The following RAB11FIP2 variants were observed in gnomAD, a reference collection of about 807,000 sequenced individuals.
RAB11FIP2 encodes the protein rab11 family-interacting protein 2.
A neutral mutation model predicts 40.9 loss-of-function variants in RAB11FIP2; 16 were observed. The ratio of observed to expected loss-of-function variants is 0.39; its 90% confidence interval spans 0.26 to 0.59. The LOEUF is 0.59. Ranked by LOEUF, RAB11FIP2 falls within the 20% of genes least tolerant of loss-of-function variation. The probability of loss-of-function intolerance (pLI) is 0.53; values close to 1 mark genes in which losing one functional copy is unlikely to be tolerated. For synonymous variants in RAB11FIP2, 228 were observed against 213.7 expected (o/e 1.07, Z -0.58); for missense variants, 532 against 606.2 (o/e 0.88, Z 1.28).
intron 3 of RAB11FIP2, among the ~76,000 whole-genome samples, chr10:118,026,248 C>T (rs959570836): frequency 6.6e-6 from 1 of 152,118 alleles, no homozygotes; most frequent in Non-Finnish European, 1.5e-5. Flanking sequence ...CATAAAATGA[C>T]GTGACGACAG....
At chr10:118,030,358 T>C (rs1589644521) in intron 3 of RAB11FIP2, among the ~76,000 whole-genome samples, 1 of 152,186 alleles carries the variant, frequency 6.6e-6, no homozygotes, top group South Asian at 2.1e-4. Flanking sequence ...ATCTTATATT[T>C]GATCATATCA....
intron 3 of RAB11FIP2, among the ~76,000 whole-genome samples, chr10:118,035,339 T>C (rs1846467677): frequency 6.6e-6 from 1 of 152,130 alleles, no homozygotes; most frequent in African/African-American, 2.4e-5. Flanking sequence ...TCCAGAAATG[T>C]GCTATTTAGA....
At chr10:118,039,515 TCTG>T (rs1175613287) in intron 2 of RAB11FIP2, 75 bp from the exon 3 acceptor site, 3 of 1,266,700 alleles carry the variant, frequency 2.4e-6, no homozygotes, top group Non-Finnish European at 3.3e-6. Flanking sequence ...CTGTGTGCAT[TCTG>T]CTGCTTTTAG....
intron 4 of RAB11FIP2, among the ~76,000 whole-genome samples, chr10:118,014,676 C>T (rs1846195283): frequency 6.6e-6 from 1 of 152,092 alleles, no homozygotes; most frequent in African/African-American, 2.4e-5. Flanking sequence ...TAACAAGCAG[C>T]TTTATTCTTT....
At chr10:118,012,077 G>A (rs369317589) in intron 4 of RAB11FIP2, among the ~76,000 whole-genome samples, 11 of 151,784 alleles carry the variant, frequency 7.2e-5, no homozygotes, top group Non-Finnish European at 1.0e-4. Context: ...GATGAAAAAC[G>A]TTTCAAAAAT....
At chr10:118,015,440 TAC>T (rs2133163927) in intron 3 of RAB11FIP2, among the ~76,000 whole-genome samples, 1 of 152,298 alleles carries the variant, frequency 6.6e-6, no homozygotes, top group South Asian at 2.1e-4. Flanking sequence ...CCATTATATT[TAC>T]ACACAGTCAC....
rs1016561156 is a variant in RAB11FIP2 at position 118,005,874 on chromosome 10, T to C, written c.*3124A>G. The C allele has an allele frequency of 1.8e-4, 27 of 152,578 alleles. No homozygotes were observed. Among genetic ancestry groups the C allele is most frequent in the African/African-American group, 6.0e-4 (25 of 41,442 alleles). 9.5% of individuals were successfully genotyped at this position (152,578 alleles called of 1,614,324 possible). On this transcript the variant is annotated 3_prime_UTR_variant, in exon 5 of 5. Transcript: ENST00000355624. ...AACAAGAAGAAAACAAGTCTGTCAC[T>C]AATGAGCTTAGTTTTACTTAGGTTT...
intron 3 of RAB11FIP2, among the ~76,000 whole-genome samples, chr10:118,032,665 C>A (rs7067567): frequency 0.46 from 69,866 of 152,024 alleles, 18,764 homozygotes; most frequent in Non-Finnish European, 0.6. Flanking sequence ...TTGCTTTCCA[C>A]AGTTTCAGTT....
At chr10:118,033,478 T>C (rs774644278) in intron 3 of RAB11FIP2, among the ~76,000 whole-genome samples, 1 of 152,042 alleles carries the variant, frequency 6.6e-6, no homozygotes, top group African/African-American at 2.4e-5. Context: ...TTACTTCTTC[T>C]ATATCAGCAG....
In RAB11FIP2 at chr10:118,006,911, A is replaced by G. The variant is rs1846097041; in HGVS notation, c.*2087T>C. On this transcript the variant is annotated 3_prime_UTR_variant, in exon 5 of 5. Coordinates refer to ENST00000355624, the MANE Select transcript of RAB11FIP2 (RefSeq NM_014904.3). Reference sequence around the variant, plus strand: ...ATTTCCCCATAAAAAGAAGAGCAGTACTTGAACCATACTTTTAAATGAGTT... The same window carrying G: ...ATTTCCCCATAAAAAGAAGAGCAGTGCTTGAACCATACTTTTAAATGAGTT... The G allele has an allele frequency of 6.6e-6, 1 of 152,580 alleles. No homozygotes were observed. Among genetic ancestry groups the G allele is most frequent in the African/African-American group, 2.4e-5 (1 of 41,550 alleles). 9.5% of individuals were successfully genotyped at this position (152,580 alleles called of 1,614,324 possible).
rs1490074957 is a variant in RAB11FIP2, at chr10:118,007,132, G to GT, written c.*1865dup. 6.8e-6 allele frequency: 1 copy of GT among 147,904 alleles called. No individual in the cohort carries two copies. The highest frequency in any genetic ancestry group is 2.5e-5 in the African/African-American group (1 of 40,138). 9.2% of individuals were successfully genotyped at this position (147,904 alleles called of 1,614,324 possible). A position where few individuals can be genotyped will look rare whatever the true frequency, so the allele number is the denominator to read the frequency against. The stretch of plus-strand genomic sequence containing the variant: ...GACAAAAACAAATGCTGAGAATTTT[G>GT]TAACATTTAGTTAATTAAAAGTGGC... On this transcript the variant is annotated 3_prime_UTR_variant, in exon 5 of 5. Transcript: ENST00000355624.
intron 3 of RAB11FIP2, among the ~76,000 whole-genome samples, chr10:118,027,039 C>T (rs1183564899): frequency 1.3e-5 from 2 of 152,006 alleles, no homozygotes; most frequent in Non-Finnish European, 2.9e-5. Flanking sequence ...AAAAATTCCA[C>T]CTAATTTATT....
intron 4 of RAB11FIP2, among the ~76,000 whole-genome samples, chr10:118,010,118 T>A (rs567562124): frequency 6.6e-6 from 1 of 152,280 alleles, no homozygotes; most frequent in African/African-American, 2.4e-5. Context: ...GAAAAATATT[T>A]CTCAGGAATT....
chr10:118,041,410 C>T (rs1402554057), intron 1 of RAB11FIP2, among the ~76,000 whole-genome samples: 2 of 151,998 alleles, frequency 1.3e-5, no homozygotes, highest in Non-Finnish European at 2.9e-5. Context: ...AAATGATATA[C>T]AAGAAGCAAT....
chr10:118,013,691 AG>A (rs1215326394), intron 4 of RAB11FIP2, among the ~76,000 whole-genome samples: 2 of 152,102 alleles, frequency 1.3e-5, no homozygotes, highest in East Asian at 3.9e-4. Flanking sequence ...TAGAATAGTT[AG>A]TATTCCAGAG....
At chr10:118,023,038 T>C (rs1184448240) in intron 3 of RAB11FIP2, among the ~76,000 whole-genome samples, 1 of 152,216 alleles carries the variant, frequency 6.6e-6, no homozygotes, top group Non-Finnish European at 1.5e-5. Flanking sequence ...TATTCTCATA[T>C]TTAAGTCAAT....
chr10:118,009,027 T>C lies in RAB11FIP2; in HGVS notation c.1510A>G (p.Arg504Gly). ...CTGTTAGAGAATTTGCCAGCTTTCC[T>C]GGATGGTTCATACGGCACTCTGAGA... Reference protein sequence around the residue: ...SILRVPYEPSRKAGKFSNS With the variant: ...SILRVPYEPSGKAGKFSNS Residue 504 changes from arginine (R) to glycine (G), a missense_variant, in exon 5 of 5, where the codon AGG becomes GGG. By Grantham distance (125) the Arg-to-Gly change is moderately radical. Transcript: ENST00000355624. The C allele has an allele frequency of 1.2e-6, 2 of 1,613,162 alleles. No individual in the cohort carries two copies. The highest frequency in any genetic ancestry group is 1.7e-6 in the Non-Finnish European group (2 of 1,179,230).
chr10:118,029,115 A>G (rs1846381762), intron 3 of RAB11FIP2, among the ~76,000 whole-genome samples: 1 of 152,064 alleles, frequency 6.6e-6, no homozygotes, highest in Non-Finnish European at 1.5e-5. Flanking sequence ...TTGTTGTACT[A>G]AATTAAATGG....
chr10:118,016,407 A>G (rs1446128414), intron 3 of RAB11FIP2, among the ~76,000 whole-genome samples: 2 of 152,214 alleles, frequency 1.3e-5, no homozygotes, highest in East Asian at 3.8e-4. Flanking sequence ...TCACTATACC[A>G]GCAAAGCATC....
Sources: gnomAD v4.1 joint callset for allele counts (sites outside exome capture counted in the v4.1 genomes callset) on GRCh38, gnomAD v4.1.1 for gene constraint, MANE v1.5 for transcripts, NCBI Gene and HGNC (gene_info 2026-07-23, HGNC 2026-07-21) for gene names.